The following MAN1C1 variants were observed in gnomAD, a reference collection of about 807,000 sequenced individuals.
MAN1C1 encodes the protein mannosidase alpha class 1C member 1, also known as mannosyl-oligosaccharide 1,2-alpha-mannosidase IC.
In MAN1C1, 49 loss-of-function variants were observed where a neutral mutation model predicts 71.5. The ratio of observed to expected loss-of-function variants is 0.69; its 90% CI spans 0.54 to 0.87. The LOEUF is 0.87. Ranked by LOEUF, MAN1C1 falls within the 40% of genes least tolerant of loss-of-function variation. The probability of loss-of-function intolerance (pLI) is 0.00; values close to 1 mark genes in which losing one functional copy is unlikely to be tolerated. For synonymous variants in MAN1C1, 352 were observed against 343.7 expected (o/e 1.02, Z -0.27); for missense variants, 743 against 835.0 (o/e 0.89, Z 1.36).
chr1:25,686,381 A>G, intron 1 of MAN1C1, 59 bp from the exon 2 acceptor site: 1 of 1,418,770 alleles, frequency 7.0e-7, no homozygotes, highest in Non-Finnish European at 1.0e-6. Context: ...CCAGGCGGCC[A>G]GTGCGCACTG....
chr1:25,722,175 T>C (rs973410265), intron 2 of MAN1C1, among the ~76,000 whole-genome samples: 8 of 152,230 alleles, frequency 5.3e-5, no homozygotes, highest in African/African-American at 1.9e-4. Flanking sequence ...CATTTGTATG[T>C]GAACTGTCTT....
At position 25,686,502 on chromosome 1, in the gene MAN1C1, A is replaced by C. The variant is rs745697528; in HGVS notation, c.603A>C (p.Pro201=). Residue 201 remains proline, a synonymous_variant, in exon 2 of 12, where the codon CCA becomes CCC. Transcript: ENST00000374332. ...CAATGGGGAAAAACGAACTCCGTCC[A>C]CTAACAAAAGATGGCTACGAGGGTA... ...RYAMGKNELR[P]LTKDGYEGNM... is the part of the protein sequence containing the mutation. 6.8e-6 allele frequency: 11 copies of C among 1,614,136 alleles called. No individual in the cohort carries two copies. Among genetic ancestry groups the C allele is most frequent in the Non-Finnish European group, 9.3e-6 (11 of 1,180,058 alleles).
At chr1:25,663,604 G>A (rs771765370) in intron 1 of MAN1C1, among the ~76,000 whole-genome samples, 26 of 152,274 alleles carry the variant, frequency 1.7e-4, no homozygotes, top group South Asian at 6.2e-4. Flanking sequence ...CTGAAACTGC[G>A]GAAAGTGAAA....
intron 1 of MAN1C1, among the ~76,000 whole-genome samples, chr1:25,651,998 G>T (rs1484094562): frequency 2.6e-5 from 4 of 152,218 alleles, no homozygotes; most frequent in Non-Finnish European, 5.9e-5. Flanking sequence ...AGGGATGGTG[G>T]AGTAGTTTGG....
At chr1:25,772,476 T>C (rs1321303365) in intron 8 of MAN1C1, 1 of 152,258 alleles carries the variant, frequency 6.6e-6, no homozygotes, top group East Asian at 1.9e-4. Flanking sequence ...GGAAGAGGGC[T>C]AAGGAATCCC....
At chr1:25,740,809 G>T (rs2047053240) in intron 2 of MAN1C1, among the ~76,000 whole-genome samples, 1 of 152,046 alleles carries the variant, frequency 6.6e-6, no homozygotes, top group South Asian at 2.1e-4. Flanking sequence ...AGAGGGAAGG[G>T]CAAGGGTAGA....
At chr1:25,714,026 G>C (rs2046647843) in intron 2 of MAN1C1, among the ~76,000 whole-genome samples, 1 of 152,190 alleles carries the variant, frequency 6.6e-6, no homozygotes, top group African/African-American at 2.4e-5. Context: ...TGGTGGCTTT[G>C]AAATAGATCA....
intron 2 of MAN1C1, among the ~76,000 whole-genome samples, chr1:25,718,503 G>A (rs997251719): frequency 2.0e-5 from 3 of 152,164 alleles, no homozygotes; most frequent in African/African-American, 7.2e-5. Context: ...TATTCAGTAG[G>A]TTTCAGTATA....
chr1:25,723,499 C>T (rs2046794133), intron 2 of MAN1C1, among the ~76,000 whole-genome samples: 1 of 152,238 alleles, frequency 6.6e-6, no homozygotes, highest in African/African-American at 2.4e-5. Flanking sequence ...CAGCACTCCA[C>T]ATCTCTTTCC....
intron 1 of MAN1C1, among the ~76,000 whole-genome samples, chr1:25,681,914 C>T (rs1221710341): frequency 1.3e-5 from 2 of 151,748 alleles, no homozygotes; most frequent in Admixed American, 6.6e-5. Context: ...AAAATGGGTT[C>T]TCTAAGAACA....
chr1:25,626,147 CTT>C (rs2124749836), intron 1 of MAN1C1, among the ~76,000 whole-genome samples: 1 of 152,268 alleles, frequency 6.6e-6, no homozygotes, highest in South Asian at 2.1e-4. Flanking sequence ...GTGTGATTGA[CTT>C]TATAAGAAAC....
At chr1:25,724,026 CTTTT>C (rs1209904579) in intron 2 of MAN1C1, among the ~76,000 whole-genome samples, 1 of 135,470 alleles carries the variant, frequency 7.4e-6, no homozygotes, top group African/African-American at 2.7e-5. Context: ...GACTGCCTAC[CTTTT>C]TTTTTTTTTT....
intron 1 of MAN1C1, among the ~76,000 whole-genome samples, chr1:25,665,683 A>C (rs1285760976): frequency 2.0e-5 from 3 of 152,092 alleles, no homozygotes; most frequent in African/African-American, 7.2e-5. Context: ...TAGATATTGC[A>C]GGTGGAGTCT....
At chr1:25,652,767 C>G (rs1247548238) in intron 1 of MAN1C1, among the ~76,000 whole-genome samples, 2 of 152,190 alleles carry the variant, frequency 1.3e-5, no homozygotes, top group Non-Finnish European at 2.9e-5. Context: ...TTGCAGTGCT[C>G]AGCAGGGTGC....
chr1:25,753,359 C>A lies in MAN1C1; in HGVS notation c.835-125C>A, dbSNP rs142382560. ...CAGTTGGAAGAACCGGGCTGGTGGA[C>A]TGCAGCACTGCCCCCTACTCTAGAC... On this transcript the variant is annotated intron_variant, in intron 4 of 11. Coordinates refer to ENST00000374332, the MANE Select transcript of MAN1C1 (RefSeq NM_020379.4). The surrounding 1 kb of genome is among the most constrained non-coding windows in gnomAD (Gnocchi z 4.9). The A allele has an allele frequency of 6.6e-4, 393 of 593,418 alleles. 2 individuals are homozygous for A. Among genetic ancestry groups the A allele is most frequent in the African/African-American group, 4.6e-3 (240 of 52,320 alleles). The allele number at this position is 593,418 out of a possible 1,614,324, so 36.8% of individuals were successfully genotyped here.
In MAN1C1 at chr1:25,764,139, G is replaced by C. The variant is rs1328266253; in HGVS notation, c.1141+172G>C. 6.6e-6 allele frequency among the ~76,000 whole-genome samples: 1 copy of C among 152,198 alleles called. No individual in the cohort carries two copies. Among genetic ancestry groups the C allele is most frequent in the African/African-American group, 2.4e-5 (1 of 41,454 alleles). On this transcript the variant is annotated intron_variant, in intron 7 of 11. Transcript: ENST00000374332. This position sits in a 1 kb window ranked among gnomAD's most constrained non-coding sequence, Gnocchi z 4.4. ...CACCTGCCTTCCCATGCATCCTGGG[G>C]GCTTGCCTGTGGTTGTCTGCTGCTG...
At chr1:25,658,820 A>T (rs569443379) in intron 1 of MAN1C1, 1 of 152,644 alleles carries the variant, frequency 6.6e-6, no homozygotes, top group East Asian at 1.9e-4. Flanking sequence ...GCCGATTGCC[A>T]CTTATAGATA....
intron 1 of MAN1C1, among the ~76,000 whole-genome samples, chr1:25,683,720 C>G (rs142108542): frequency 0.025 from 3,828 of 152,194 alleles, 59 homozygotes; most frequent in Middle Eastern, 0.088. Context: ...GGACAGGATA[C>G]CTGGTAGGGG....
At chr1:25,705,979 C>T (rs2046516416) in intron 2 of MAN1C1, among the ~76,000 whole-genome samples, 1 of 152,198 alleles carries the variant, frequency 6.6e-6, no homozygotes, top group Non-Finnish European at 1.5e-5. Flanking sequence ...TTGAATCTTA[C>T]ACATGATTCT....
Sources: gnomAD v4.1 joint callset for allele counts (sites outside exome capture counted in the v4.1 genomes callset) on GRCh38, gnomAD v4.1.1 for gene constraint, Gnocchi (gnomAD v3.1) non-coding constraint, MANE v1.5 for transcripts, NCBI Gene and HGNC (gene_info 2026-07-23, HGNC 2026-07-21) for gene names.